Variants in SNX25 observed in about 807,000 individuals in gnomAD.
SNX25 encodes sorting nexin 25.
A neutral mutation model predicts 113.7 loss-of-function variants in SNX25; 62 were observed. The observed-to-expected ratio is 0.55, with a 90% CI of 0.44 to 0.67. SNX25 has a LOEUF of 0.67. Ranked by LOEUF, SNX25 falls within the 30% of genes least tolerant of loss-of-function variation. The pLI, the probability that SNX25 is intolerant of heterozygous loss-of-function variation, is 0.00. For missense variants in SNX25, 1,014 were observed against 1,161.0 expected, an observed-to-expected ratio of 0.87 and a Z score of 1.84; for synonymous variants, 421 against 436.2, an observed-to-expected ratio of 0.97 and a Z score of 0.43.
chr4:185,360,950 T>TATAGATAGATAG (rs1554014179), intron 16 of SNX25, among the ~76,000 whole-genome samples: 2 of 141,820 alleles, frequency 1.4e-5, no homozygotes, highest in African/African-American at 2.7e-5. Flanking sequence ...TATATATATA[T>TATAGATAGATAG]ATAGAATCTG....
In SNX25 at chr4:185,212,491, G is replaced by GTGTGTGTGTTTTTGTTT. The variant is rs546083196; in HGVS notation, c.429+2237_429+2238insGTGTGTGTTTTTGTTTT. ...TGTGTGTGTGTGTGTGTGTGTGTGTGTTTTTTTTTTTTTTTGCTTTGAGAC... is the reference window on the plus strand; with the variant it reads ...TGTGTGTGTGTGTGTGTGTGTGTGTGTGTGTGTGTTTTTGTTTTTTTTTTTTTTTTTTGCTTTGAGAC... On this transcript the variant is annotated intron_variant, in intron 1 of 18. Coordinates refer to ENST00000652585, the MANE Select transcript of SNX25 (RefSeq NM_001378034.2). Among the ~76,000 whole-genome samples the GTGTGTGTGTTTTTGTTT allele has an allele frequency of 2.4e-3, 253 of 104,924 alleles. 6 individuals carry two copies. The South Asian group carries it at 0.034, about 14-fold the overall frequency. 68.8% of individuals were successfully genotyped at this position (104,924 alleles called of 152,430 possible).
At chr4:185,244,850 C>T (rs78569098) in intron 1 of SNX25, among the ~76,000 whole-genome samples, 3,354 of 151,982 alleles carry the variant, frequency 0.022, 111 homozygotes, top group African/African-American at 0.077. Flanking sequence ...TTTATAAGGT[C>T]ACCAGGAGAC....
intron 1 of SNX25, among the ~76,000 whole-genome samples, chr4:185,244,934 A>G (rs1433992437): frequency 6.6e-6 from 1 of 152,134 alleles, no homozygotes; most frequent in Non-Finnish European, 1.5e-5. Flanking sequence ...ATACCATGAG[A>G]CTAATCAAGG....
chr4:185,367,294 G>C, downstream of SNX25: 1 of 1,459,290 alleles, frequency 6.9e-7, no homozygotes, highest in South Asian at 1.3e-5. Flanking sequence ...AATTGTTTGG[G>C]TCTTTCTTCT....
chr4:185,208,035 G>A (rs561131584), upstream of SNX25, among the ~76,000 whole-genome samples: 22 of 152,276 alleles, frequency 1.4e-4, no homozygotes, highest in South Asian at 3.3e-3. Context: ...ACTTTGAGGG[G>A]CTCCAATTGG....
intron 1 of SNX25, among the ~76,000 whole-genome samples, chr4:185,239,866 GATAA>G (rs1743401032): frequency 6.7e-6 from 1 of 148,288 alleles, no homozygotes; most frequent in Non-Finnish European, 1.5e-5. Context: ...AAGGTCAGCA[GATAA>G]GTGAACAAAG....
intron 3 of SNX25, 40 bp from the exon 4 acceptor site, chr4:185,264,398 C>T (rs1747761243): frequency 1.3e-6 from 2 of 1,589,074 alleles, no homozygotes; most frequent in African/African-American, 2.7e-5. Context: ...TGAATTGTTT[C>T]TAGAAACTTC....
chr4:185,263,287 A>G (rs1404145442), intron 3 of SNX25, among the ~76,000 whole-genome samples: 1 of 152,354 alleles, frequency 6.6e-6, no homozygotes, highest in East Asian at 1.9e-4. Context: ...ATTTAAAAAA[A>G]GAATTACCTT....
chr4:185,345,923 C>T (rs10034100), intron 12 of SNX25, among the ~76,000 whole-genome samples: 44,720 of 151,930 alleles, frequency 0.29, 8,436 homozygotes, highest in African/African-American at 0.55. Context: ...AGTGGTGCAA[C>T]ATCAGCTCAC....
Position 185,312,069 on chromosome 4 carries a change from C to T in SNX25, c.1344+1253C>T, listed in dbSNP as rs559820978. ...TTGACAGGTTGAATATTGCCCCCTTCCTCCTCCTCATTAGCTTTTTGGTTT... is the reference window on the plus strand; with the variant it reads ...TTGACAGGTTGAATATTGCCCCCTTTCTCCTCCTCATTAGCTTTTTGGTTT... On this transcript the variant is annotated intron_variant, in intron 7 of 18. Coordinates refer to ENST00000652585, the MANE Select transcript of SNX25 (RefSeq NM_001378034.2). Among the ~76,000 whole-genome samples the T allele has an allele frequency of 3.1e-4, 47 of 152,270 alleles. No individual in the cohort carries two copies. In the Middle Eastern group the frequency reaches 0.01, roughly 33 times the overall value.
chr4:185,336,470 T>A (rs571328991), intron 10 of SNX25, among the ~76,000 whole-genome samples: 1 of 152,204 alleles, frequency 6.6e-6, no homozygotes, highest in Non-Finnish European at 1.5e-5. Context: ...AGTCTCAAAT[T>A]CCATCCAGGT....
Position 185,235,555 on chromosome 4 carries a change from C to T in SNX25, c.430-11739C>T, listed in dbSNP as rs996313542. 1.1e-4 allele frequency among the ~76,000 whole-genome samples: 17 copies of T among 152,332 alleles called. 1 individual carries two copies. The highest frequency in any genetic ancestry group is 7.2e-4 in the Admixed American group (11 of 15,294). Reference sequence around the variant, plus strand: ...GCTGAGAGTACCTCACCTCCCACCCCATTCTCTCCTTTGTTCCTTCGGTTT... The same window carrying T: ...GCTGAGAGTACCTCACCTCCCACCCTATTCTCTCCTTTGTTCCTTCGGTTT... On this transcript the variant is annotated intron_variant, in intron 1 of 18. Coordinates refer to ENST00000652585, the MANE Select transcript of SNX25 (RefSeq NM_001378034.2).
intron 10 of SNX25, among the ~76,000 whole-genome samples, chr4:185,335,761 C>G (rs1403198513): frequency 6.6e-6 from 1 of 152,152 alleles, no homozygotes; most frequent in Non-Finnish European, 1.5e-5. Context: ...ATCTAAGTAA[C>G]ACAAGTGATG....
At position 185,351,548 on chromosome 4, in the gene SNX25, A is replaced by G. The variant is rs771316572; in HGVS notation, c.2405A>G (p.Asn802Ser). The part of the protein sequence containing the change: ...LKVIDVQGKK[N>S]SFSLSSFLER... ...GTTATCGACGTGCAGGGGAAAAAAA[A>G]TTCTTTTTCATTATCCTCATTTTTG... The change falls in exon 14 of 19, where the codon AAT becomes AGT. Residue 802 changes from asparagine to serine, a missense_variant. Asn to Ser is a conservative substitution (Grantham distance 46). Transcript: ENST00000652585. 1.1e-5 allele frequency: 17 copies of G among 1,614,030 alleles called. No individual in the cohort carries two copies. Among genetic ancestry groups the G allele is most frequent in the Admixed American group, 1.7e-5 (1 of 59,992 alleles).
Position 185,209,627 on chromosome 4 carries a change from C to G in SNX25, c.-200C>G, listed in dbSNP as rs1461919352. 6.1e-5 allele frequency: 36 copies of G among 591,448 alleles called. No individual in the cohort carries two copies. The highest frequency in any genetic ancestry group is 7.4e-5 in the Non-Finnish European group (35 of 469,862). 36.6% of individuals were successfully genotyped at this position (591,448 alleles called of 1,614,324 possible). A position where few individuals can be genotyped will look rare whatever the true frequency, so the allele number is the denominator to read the frequency against. ...ACAACACGGTGGGGCTCCCTGGCTG[C>G]GCCCGGCCCGGCAGCTACGGGCCCA... On this transcript the variant is annotated 5_prime_UTR_variant, in exon 1 of 19. Transcript: ENST00000652585. The surrounding 1 kb of genome is among the most constrained non-coding windows in gnomAD (Gnocchi z 5.2).
rs758092952 is a variant in SNX25, at chr4:185,277,720, CTTTTTTTTTTTTTTTTT to C, written c.1092-10278_1092-10262del. ...ATGATGAGTTTTGAGTACTTATTAC[CTTTTTTTTTTTTTTTTT>C]TTTTTTTTTTTTTGAGACGGAGTCT... On this transcript the variant is annotated intron_variant, in intron 5 of 18. Transcript: ENST00000652585. Among the ~76,000 whole-genome samples the C allele has an allele frequency of 6.3e-5, 4 of 63,504 alleles. 1 individual carries two copies. Among genetic ancestry groups the C allele is most frequent in the East Asian group, 7.0e-4 (1 of 1,434 alleles). 41.7% of individuals were successfully genotyped at this position (63,504 alleles called of 152,430 possible).
intron 2 of SNX25, among the ~76,000 whole-genome samples, chr4:185,248,809 C>G (rs1745217761): frequency 6.6e-6 from 1 of 152,176 alleles, no homozygotes; most frequent in African/African-American, 2.4e-5. Flanking sequence ...TTCCATCATT[C>G]TAGAAAATCT....
At chr4:185,247,223 CT>C in intron 1 of SNX25, 70 bp from the exon 2 acceptor site, 1 of 1,008,334 alleles carries the variant, frequency 9.9e-7, no homozygotes, top group South Asian at 1.6e-5. Flanking sequence ...CATTTCATAC[CT>C]TTGATTTTTT....
intron 5 of SNX25, among the ~76,000 whole-genome samples, chr4:185,268,049 A>G (rs779612946): frequency 6.6e-6 from 1 of 152,208 alleles, no homozygotes; most frequent in Non-Finnish European, 1.5e-5. Context: ...CAGAGGCAGA[A>G]CAAAATCCTG....
Sources: allele counts gnomAD v4.1 joint callset (sites outside exome capture counted in the v4.1 genomes callset), GRCh38; gene constraint gnomAD v4.1.1; non-coding constraint Gnocchi (gnomAD v3.1); transcripts MANE v1.5; gene names NCBI Gene and HGNC (gene_info 2026-07-23, HGNC 2026-07-21).